ZDHHC15: variants seen among roughly 807,000 people sequenced by gnomAD.
ZDHHC15 encodes palmitoyltransferase ZDHHC15.
A neutral mutation model predicts 31.7 loss-of-function variants in ZDHHC15; 19 were observed. That is an observed-to-expected ratio of 0.60 (90% confidence interval 0.42 to 0.88). ZDHHC15 has a LOEUF of 0.88. ZDHHC15 is among the 40% of genes least tolerant of loss of function. The pLI is 0.00. For synonymous variants in ZDHHC15, 103 were observed against 90.0 expected (o/e 1.14, Z -0.82); for missense variants, 209 against 251.2 (o/e 0.83, Z 1.14).
At chrX:75,423,126 C>T (rs1163272098) in intron 8 of ZDHHC15, among the ~76,000 whole-genome samples, 1 of 108,778 alleles carries the variant, frequency 9.2e-6, no homozygotes, top group African/African-American at 3.3e-5. Context: ...AATCAATCTT[C>T]CTGTCTCAGC....
chrX:75,514,299 T>C (rs1174611225), intron 1 of ZDHHC15, among the ~76,000 whole-genome samples: 1 of 112,219 alleles, frequency 8.9e-6, no homozygotes, highest in African/African-American at 3.2e-5. Context: ...CAATGATAAA[T>C]CTACGTTAAG....
intron 4 of ZDHHC15, among the ~76,000 whole-genome samples, chrX:75,449,605 GC>G (rs2084086957): frequency 9.0e-6 from 1 of 111,634 alleles, no homozygotes; most frequent in South Asian, 3.7e-4. Flanking sequence ...CTATATTATT[GC>G]TCTAACAAAA....
intron 2 of ZDHHC15, among the ~76,000 whole-genome samples, chrX:75,496,160 A>T (rs752782893): frequency 1.8e-5 from 2 of 111,222 alleles, no homozygotes; most frequent in Admixed American, 1.9e-4. Flanking sequence ...GTGTGGAAAA[A>T]GATATTCAAT....
intron 3 of ZDHHC15, 103 bp downstream of exon 3, chrX:75,478,788 G>A: frequency 1.7e-6 from 1 of 597,252 alleles, no homozygotes. Context: ...AGATTACCCT[G>A]ACTCTTTCGT....
chrX:75,496,100 T>C (rs2084993268), intron 2 of ZDHHC15, among the ~76,000 whole-genome samples: 1 of 110,821 alleles, frequency 9.0e-6, no homozygotes, highest in Admixed American at 9.7e-5. Context: ...ATCTCCTGTC[T>C]TCAAGAGTCT....
intron 3 of ZDHHC15, among the ~76,000 whole-genome samples, chrX:75,460,613 C>A (rs1316869893): frequency 9.1e-6 from 1 of 110,423 alleles, no homozygotes; most frequent in Non-Finnish European, 1.9e-5. Context: ...TGTTTCACAG[C>A]CTTCACTGGT....
At chrX:75,427,679 T>C (rs901893163) in intron 7 of ZDHHC15, among the ~76,000 whole-genome samples, 2 of 111,048 alleles carry the variant, frequency 1.8e-5, no homozygotes, top group Non-Finnish European at 3.8e-5. Context: ...TTAAAATTAT[T>C]GTAACTTAAT....
intron 10 of ZDHHC15, among the ~76,000 whole-genome samples, chrX:75,398,707 G>A (rs1308932677): frequency 9.1e-6 from 1 of 110,426 alleles, no homozygotes. Flanking sequence ...AGCCAACAGA[G>A]ATCTGAACTC....
intron 10 of ZDHHC15, among the ~76,000 whole-genome samples, chrX:75,394,641 A>G (rs1306069050): frequency 8.9e-6 from 1 of 112,265 alleles, no homozygotes. Context: ...TGATTATATA[A>G]TGATAAAGGG....
chrX:75,495,602 T>C (rs1351466298), intron 2 of ZDHHC15, among the ~76,000 whole-genome samples: 3 of 110,199 alleles, frequency 2.7e-5, no homozygotes, highest in Admixed American at 1.9e-4. Context: ...CATGCAGCCA[T>C]AAAAAATGAT....
chrX:75,490,297 C>A (rs1042563179), intron 2 of ZDHHC15, among the ~76,000 whole-genome samples: 2 of 111,281 alleles, frequency 1.8e-5, no homozygotes, highest in African/African-American at 6.5e-5. Flanking sequence ...GTCAGATTCA[C>A]CAAAGTTGAA....
chrX:75,438,216 T>C (rs1429250073), intron 4 of ZDHHC15, among the ~76,000 whole-genome samples: 1 of 111,911 alleles, frequency 8.9e-6, no homozygotes, highest in Non-Finnish European at 1.9e-5. Flanking sequence ...TGGAAGTCAG[T>C]GTGACTTTCT....
At chrX:75,420,271 G>T (rs1049778650) in intron 9 of ZDHHC15, among the ~76,000 whole-genome samples, 2 of 111,317 alleles carry the variant, frequency 1.8e-5, no homozygotes, top group African/African-American at 6.5e-5. Flanking sequence ...TCTCATGCCA[G>T]TTAGAATGGC....
chrX:75,424,623 T>C (rs750033101), intron 8 of ZDHHC15, 29 bp downstream of exon 8: 1 of 1,172,423 alleles, frequency 8.5e-7, no homozygotes, highest in South Asian at 2.0e-5. Flanking sequence ...ATTAATATGT[T>C]TTTTCCTAAT....
rs759147872 is a variant in ZDHHC15, at chrX:75,371,485, G to C, written c.*1493C>G. ...AATTACCTAGGGATCCAGATGAACA[G>C]GTTTTGTTGTTGCTTTAAGTAGCTG... On this transcript the variant is annotated 3_prime_UTR_variant, in exon 12 of 12. Transcript: ENST00000373367. 1 of 111,970 alleles carries C rather than the reference G, an allele frequency of 8.9e-6. No homozygotes were observed. The highest frequency in any genetic ancestry group is 1.9e-5 in the Non-Finnish European group (1 of 53,224). 9.2% of individuals were successfully genotyped at this position (111,970 alleles called of 1,213,427 possible). A position where few individuals can be genotyped will look rare whatever the true frequency, so the allele number is the denominator to read the frequency against.
intron 3 of ZDHHC15, 61 bp downstream of exon 3, chrX:75,478,830 C>G (rs2084645042): frequency 1.1e-6 from 1 of 916,785 alleles, no homozygotes; most frequent in East Asian, 3.2e-5. Flanking sequence ...CCTCTTCTTG[C>G]TTTATTGTCA....
At chrX:75,497,088 G>A (rs558402929) in intron 2 of ZDHHC15, among the ~76,000 whole-genome samples, 1 of 111,705 alleles carries the variant, frequency 9.0e-6, no homozygotes, top group African/African-American at 3.2e-5. Flanking sequence ...TAGACCATTA[G>A]CGAGATTAAC....
intron 1 of ZDHHC15, among the ~76,000 whole-genome samples, chrX:75,518,598 A>T (rs1452664428): frequency 8.4e-5 from 9 of 106,980 alleles, no homozygotes; most frequent in Admixed American, 4.1e-4. Context: ...TTAAACATAG[A>T]ATTACCATAC....
chrX:75,460,263 A>T (rs1024290104), intron 3 of ZDHHC15, among the ~76,000 whole-genome samples: 10 of 111,140 alleles, frequency 9.0e-5, no homozygotes, highest in Non-Finnish European at 1.7e-4. Flanking sequence ...ACCTAGGCTT[A>T]TAGGGACAGA....
Sources: allele counts gnomAD v4.1 joint callset (sites outside exome capture counted in the v4.1 genomes callset), GRCh38; gene constraint gnomAD v4.1.1; transcripts MANE v1.5; gene names NCBI Gene and HGNC (gene_info 2026-07-23, HGNC 2026-07-21).